Variants in BLTP1 observed in about 807,000 individuals in gnomAD.
BLTP1 encodes fragile site-associated protein.
chr4:122,302,338 A>G, the BLTP1 span: 1 of 699,506 alleles, frequency 1.4e-6, no homozygotes, highest in Non-Finnish European at 1.8e-6. Flanking sequence ...TGTGTTTCAC[A>G]GGTATTGAGG....
the BLTP1 span, chr4:122,234,946 C>G: frequency 1.9e-6 from 3 of 1,613,304 alleles, no homozygotes; most frequent in Non-Finnish European, 2.5e-6. Context: ...AGTGCAGAGT[C>G]TGATATGTAT....
chr4:122,167,215 A>C, the BLTP1 span, among the ~76,000 whole-genome samples: 1 of 152,106 alleles, frequency 6.6e-6, no homozygotes, highest in African/African-American at 2.4e-5. Flanking sequence ...ATTTATATTG[A>C]AAACCATAGC....
chr4:122,206,980 T>C, the BLTP1 span: 1 of 722,160 alleles, frequency 1.4e-6, no homozygotes, highest in Non-Finnish European at 2.2e-6. Flanking sequence ...CTTTTAAATA[T>C]TTCAGTATAA....
At chr4:122,349,002 C>A in the BLTP1 span, 16 of 648,092 alleles carry the variant, frequency 2.5e-5, no homozygotes, top group South Asian at 3.1e-5. The surrounding 1 kb of genome is among the most constrained non-coding windows in gnomAD (Gnocchi z 4.5). Flanking sequence ...TGTTAATATT[C>A]AAATATTTAC....
chr4:122,356,758 G>A, the BLTP1 span: 1 of 1,608,182 alleles, frequency 6.2e-7, no homozygotes, highest in Non-Finnish European at 8.5e-7. Flanking sequence ...AGAAAAAGGT[G>A]GGTGGAATAC....
chr4:122,264,032 A>G, the BLTP1 span: 1 of 803,716 alleles, frequency 1.2e-6, no homozygotes, highest in Non-Finnish European at 1.5e-6. Flanking sequence ...ATAAGGATAG[A>G]TAAGGATGAC....
the BLTP1 span, among the ~76,000 whole-genome samples, chr4:122,215,813 A>G: frequency 6.7e-6 from 1 of 148,428 alleles, no homozygotes; most frequent in African/African-American, 2.4e-5. Context: ...ACTATACTCA[A>G]CGTGTAGTCT....
At chr4:122,285,347 A>G in the BLTP1 span, among the ~76,000 whole-genome samples, 1 of 152,138 alleles carries the variant, frequency 6.6e-6, no homozygotes, top group Non-Finnish European at 1.5e-5. Flanking sequence ...TTTTATTTCA[A>G]TCTTGGAGTT....
chr4:122,306,213 A>G, the BLTP1 span, among the ~76,000 whole-genome samples: 2 of 152,146 alleles, frequency 1.3e-5, no homozygotes, highest in East Asian at 3.8e-4. Flanking sequence ...TCAGTTTTTA[A>G]AAGTTATTTT....
chr4:122,190,185 C>T, the BLTP1 span: 1 of 1,389,704 alleles, frequency 7.2e-7, no homozygotes, highest in Admixed American at 2.3e-5. Flanking sequence ...TACCCTTGAC[C>T]TTCCAGGCTC....
the BLTP1 span, among the ~76,000 whole-genome samples, chr4:122,275,066 A>G: frequency 6.6e-6 from 1 of 152,218 alleles, no homozygotes; most frequent in African/African-American, 2.4e-5. Context: ...TAAAGACTGT[A>G]TATTTCATAA....
chr4:122,305,953 G>A, the BLTP1 span: 11 of 1,611,452 alleles, frequency 6.8e-6, no homozygotes, highest in Admixed American at 5.0e-5. Context: ...AATGCCCTCC[G>A]AGAAGAAATC....
At chr4:122,236,422 T>C in the BLTP1 span, among the ~76,000 whole-genome samples, 11 of 152,212 alleles carry the variant, frequency 7.2e-5, no homozygotes, top group Non-Finnish European at 1.5e-4. Flanking sequence ...ATTTGAATAA[T>C]GTTCATTTTT....
chr4:122,225,345 T>A, the BLTP1 span: 1 of 152,262 alleles, frequency 6.6e-6, no homozygotes, highest in Middle Eastern at 3.2e-3. Flanking sequence ...TTGTTTCTAA[T>A]TGGCCACTGA....
chr4:122,238,269 A>C, the BLTP1 span: 1 of 1,614,160 alleles, frequency 6.2e-7, no homozygotes, highest in Non-Finnish European at 8.5e-7. Context: ...GGTGAAAAGG[A>C]AAGTCCTTCA....
chr4:122,258,611 G>A, the BLTP1 span: 1 of 1,434,266 alleles, frequency 7.0e-7, no homozygotes, highest in Non-Finnish European at 9.3e-7. Flanking sequence ...TGAAAGTTGA[G>A]TGTCATTATA....
At chr4:122,172,333 T>C in the BLTP1 span, 1 of 722,706 alleles carries the variant, frequency 1.4e-6, no homozygotes. Context: ...TAAGAGCAAA[T>C]TGATTATCAA....
the BLTP1 span, chr4:122,304,809 A>G: frequency 1.2e-6 from 2 of 1,613,728 alleles, no homozygotes; most frequent in Non-Finnish European, 1.7e-6. Context: ...GTATTCAAGT[A>G]ACGGCCACTA....
At chr4:122,201,099 A>T in the BLTP1 span, 1 of 1,612,624 alleles carries the variant, frequency 6.2e-7, no homozygotes, top group Non-Finnish European at 8.5e-7. Context: ...TTACCACTTC[A>T]TCTTTGCACA....
Sources: allele counts gnomAD v4.1 joint callset (sites outside exome capture counted in the v4.1 genomes callset), GRCh38; gene constraint gnomAD v4.1.1; non-coding constraint Gnocchi (gnomAD v3.1); transcripts MANE v1.5; gene names NCBI Gene and HGNC (gene_info 2026-07-23, HGNC 2026-07-21).